The following WDR33 variants were observed in gnomAD, a reference collection of about 807,000 sequenced individuals.
WDR33 encodes pre-mRNA 3' end processing protein WDR33.
WDR33 carries 47 observed loss-of-function variants against 164.9 expected under a neutral mutation model. The ratio of observed to expected loss-of-function variants is 0.29; its 90% confidence interval spans 0.23 to 0.36. The LOEUF (loss-of-function observed/expected upper bound fraction) is 0.36. WDR33 is among the 10% of genes least tolerant of loss of function. WDR33 has a pLI of 1.00. For synonymous variants in WDR33, 505 were observed against 589.0 expected (o/e 0.86, Z 2.06); for missense variants, 1,137 against 1,754.1 (o/e 0.65, Z 6.28).
intron 1 of WDR33, among the ~76,000 whole-genome samples, chr2:127,794,796 T>C (rs957419337): frequency 1.5e-5 from 2 of 132,100 alleles, no homozygotes; most frequent in African/African-American, 5.8e-5. Flanking sequence ...ATCATGCCAC[T>C]GCACCCCAGC....
chr2:127,793,736 G>A (rs1688922951), intron 1 of WDR33, among the ~76,000 whole-genome samples: 1 of 152,028 alleles, frequency 6.6e-6, no homozygotes, highest in African/African-American at 2.4e-5. Flanking sequence ...GCAAGACCCT[G>A]TCTCAAAAAA....
chr2:127,781,180 A>G (rs570640271), intron 1 of WDR33, among the ~76,000 whole-genome samples: 1 of 152,278 alleles, frequency 6.6e-6, no homozygotes, highest in African/African-American at 2.4e-5. Context: ...ATAGCTTTTT[A>G]AAGTTCGAGA....
Position 127,770,667 on chromosome 2 carries a change from G to A in WDR33, c.204+111C>T. 2 of 810,064 alleles carry A rather than the reference G, an allele frequency of 2.5e-6. No homozygotes were observed. Among genetic ancestry groups the A allele is most frequent in the Non-Finnish European group, 3.3e-6 (2 of 610,316 alleles). 50.2% of individuals were successfully genotyped at this position (810,064 alleles called of 1,614,324 possible). On this transcript the variant is annotated intron_variant, in intron 2 of 21. Coordinates refer to ENST00000322313, the MANE Select transcript of WDR33 (RefSeq NM_018383.5). The surrounding 1 kb of genome is among the most constrained non-coding windows in gnomAD (Gnocchi z 4.9). ...AACCACACCACTGCACTCTGGCCTG[G>A]GCAACAAGAAAGAAACTCCATCTCA... is the stretch of plus-strand genomic sequence containing the variant.
Position 127,706,723 on chromosome 2 carries a change from C to T in WDR33, c.3782-171G>A, listed in dbSNP as rs1686025472. Among the ~76,000 whole-genome samples, 1 of 152,208 alleles carries T rather than the reference C, an allele frequency of 6.6e-6. No homozygotes were observed. The highest frequency in any genetic ancestry group is 6.5e-5 in the Admixed American group (1 of 15,282). On this transcript the variant is annotated intron_variant, in intron 21 of 21. Transcript: ENST00000322313. The surrounding 1 kb of genome is among the most constrained non-coding windows in gnomAD (Gnocchi z 5.1). ...GGTGTGCCTCTACCCTTTCCTGACC[C>T]TGCCTCCCCCTTCCTGGCTCATGGC...
chr2:127,747,726 A>G (rs542343229), intron 7 of WDR33, among the ~76,000 whole-genome samples: 1 of 152,322 alleles, frequency 6.6e-6, no homozygotes, highest in African/African-American at 2.4e-5. Flanking sequence ...TACTGCTGGC[A>G]TCATTTCAGC....
Position 127,723,198 on chromosome 2 carries a change from A to G in WDR33, c.1291+55T>C. On this transcript the variant is annotated intron_variant, in intron 12 of 21. Coordinates refer to ENST00000322313, the MANE Select transcript of WDR33 (RefSeq NM_018383.5). The surrounding 1 kb of genome is among the most constrained non-coding windows in gnomAD (Gnocchi z 5.9). ...TTGTATAATCTTCCCAACATCTAAC[A>G]CTTCTGTAATAGAATACCAGATTTC... The G allele has an allele frequency of 3.9e-6, 6 of 1,525,122 alleles. No homozygotes were observed. The highest frequency in any genetic ancestry group is 5.4e-6 in the Non-Finnish European group (6 of 1,114,660). 94.5% of individuals were successfully genotyped at this position (1,525,122 alleles called of 1,614,324 possible). A position where few individuals can be genotyped will look rare whatever the true frequency, so the allele number is the denominator to read the frequency against.
At chr2:127,810,591 G>A (rs116768054) in intron 1 of WDR33, among the ~76,000 whole-genome samples, 3,061 of 152,222 alleles carry the variant, frequency 0.02, 99 homozygotes, top group African/African-American at 0.068. Context: ...ATAACATCAC[G>A]GCTAAGTCTT....
intron 1 of WDR33, among the ~76,000 whole-genome samples, chr2:127,796,911 C>A (rs1274200896): frequency 6.6e-6 from 1 of 151,928 alleles, no homozygotes; most frequent in Non-Finnish European, 1.5e-5. Flanking sequence ...TGTCTGTTTC[C>A]CCAAGGTCAA....
At chr2:127,772,068 A>C (rs1389862090) in intron 1 of WDR33, among the ~76,000 whole-genome samples, 1 of 152,050 alleles carries the variant, frequency 6.6e-6, no homozygotes, top group African/African-American at 2.4e-5. Context: ...GGCTCAAGAG[A>C]TCCTCACACT....
At chr2:127,774,560 C>T (rs1303153387) in intron 1 of WDR33, among the ~76,000 whole-genome samples, 9 of 151,080 alleles carry the variant, frequency 6.0e-5, no homozygotes, top group Non-Finnish European at 1.0e-4. Flanking sequence ...CCAGGCGCGG[C>T]GGCTCACGCC....
In WDR33 at chr2:127,714,012, C is replaced by T. The variant is rs755186779; in HGVS notation, c.2879G>A (p.Arg960His). The T allele has an allele frequency of 1.2e-5, 18 of 1,518,216 alleles. No homozygotes were observed. The highest frequency in any genetic ancestry group is 8.3e-5 in the African/African-American group (6 of 71,904). 94.0% of individuals were successfully genotyped at this position (1,518,216 alleles called of 1,614,324 possible). ...QGPGPNKGDS[R>H]GPPNHHMGPM... Reference sequence around the variant, plus strand: ...GCCCATGTGATGGTTTGGAGGGCCGCGGGAGTCACCTAAAGGAAACAAAGC... The same window carrying T: ...GCCCATGTGATGGTTTGGAGGGCCGTGGGAGTCACCTAAAGGAAACAAAGC... Residue 960 changes from arginine (R) to histidine (H), a missense_variant, in exon 18 of 22, where the codon CGC becomes CAC. This residue lies in a region of WDR33 where 867 missense variants were observed against 1,073.0 expected (regional missense o/e 0.81). Coordinates refer to ENST00000322313, the MANE Select transcript of WDR33 (RefSeq NM_018383.5). This position sits in a 1 kb window ranked among gnomAD's most constrained non-coding sequence, Gnocchi z 4.3.
At position 127,701,809 on chromosome 2, in the gene WDR33, C is replaced by T. The variant is rs930190269; in HGVS notation, c.*4514G>A. The T allele has an allele frequency of 2.7e-6, 4 of 1,456,456 alleles. No homozygotes were observed. Among genetic ancestry groups the T allele is most frequent in the East Asian group, 3.1e-5 (1 of 32,366 alleles). 90.2% of individuals were successfully genotyped at this position (1,456,456 alleles called of 1,614,324 possible). On this transcript the variant is annotated 3_prime_UTR_variant, in exon 22 of 22. Coordinates refer to ENST00000322313, the MANE Select transcript of WDR33 (RefSeq NM_018383.5). ...CTGGCTGCACTGTGTTTCGGCCTAG[C>T]CGCGCTCTACGCACCGGTGTTGCTG... is the stretch of plus-strand genomic sequence containing the variant.
chr2:127,805,435 T>C (rs1472406078), intron 1 of WDR33, among the ~76,000 whole-genome samples: 2 of 152,054 alleles, frequency 1.3e-5, no homozygotes, highest in Non-Finnish European at 2.9e-5. Flanking sequence ...CAAACCTCTC[T>C]AGATCTAACT....
In WDR33 at chr2:127,763,114, G is replaced by A; in HGVS notation, c.672C>T (p.Gly224=). 6.2e-7 allele frequency: 1 copy of A among 1,614,092 alleles called. No individual in the cohort carries two copies. The highest frequency in any genetic ancestry group is 8.5e-7 in the Non-Finnish European group (1 of 1,179,938). The change falls in exon 7 of 22, where the codon GGC becomes GGT. Residue 224 remains glycine (G), a synonymous_variant. Coordinates refer to ENST00000322313, the MANE Select transcript of WDR33 (RefSeq NM_018383.5). The surrounding 1 kb of genome is among the most constrained non-coding windows in gnomAD (Gnocchi z 4.5). ...GAAGAAAGTCCCAGATTCTAACAGT[G>A]CCGTCATCAGAGCATGTAGCAAATT... is the stretch of plus-strand genomic sequence containing the variant. ...DNKFATCSDD[G]TVRIWDFLRC... is the part of the protein sequence containing the mutation.
chr2:127,720,648 T>C lies in WDR33; in HGVS notation c.1672-295A>G, dbSNP rs1429254200. On this transcript the variant is annotated intron_variant, in intron 15 of 21. Coordinates refer to ENST00000322313, the MANE Select transcript of WDR33 (RefSeq NM_018383.5). This position sits in a 1 kb window ranked among gnomAD's most constrained non-coding sequence, Gnocchi z 5.9. Reference sequence around the variant, plus strand: ...GGTACGATCGTGGTTCACTACAGCCTCACCCTCCTGGGCTCAAGTGATCCT... The same window carrying C: ...GGTACGATCGTGGTTCACTACAGCCCCACCCTCCTGGGCTCAAGTGATCCT... Among the ~76,000 whole-genome samples the C allele has an allele frequency of 6.6e-6, 1 of 152,062 alleles. No homozygotes were observed. The highest frequency in any genetic ancestry group is 1.5e-5 in the Non-Finnish European group (1 of 68,016).
At chr2:127,751,930 A>G (rs1437959739) in intron 7 of WDR33, among the ~76,000 whole-genome samples, 1 of 152,218 alleles carries the variant, frequency 6.6e-6, no homozygotes, top group African/African-American at 2.4e-5. Context: ...CTGAGGACGC[A>G]GTAAGTCCCC....
At chr2:127,727,041 C>G (rs1490507763) in intron 7 of WDR33, among the ~76,000 whole-genome samples, 2 of 152,132 alleles carry the variant, frequency 1.3e-5, no homozygotes, top group African/African-American at 4.8e-5. Context: ...TCAGTCGAGG[C>G]TTTTGGAGGC....
intron 7 of WDR33, among the ~76,000 whole-genome samples, chr2:127,743,829 A>G (rs1366560915): frequency 1.3e-5 from 2 of 152,238 alleles, no homozygotes; most frequent in African/African-American, 2.4e-5. Context: ...GGTGTGAATA[A>G]CACTCAATTC....
chr2:127,786,260 C>T (rs928967798), intron 1 of WDR33, among the ~76,000 whole-genome samples: 1 of 152,170 alleles, frequency 6.6e-6, no homozygotes, highest in South Asian at 2.1e-4. Flanking sequence ...GTCTGGAACT[C>T]CTAGGCTCAA....
Sources: gnomAD v4.1 joint callset for allele counts (sites outside exome capture counted in the v4.1 genomes callset) on GRCh38, gnomAD v4.1.1 for gene constraint, gnomAD v4.1.1 regional missense constraint, Gnocchi (gnomAD v3.1) non-coding constraint, MANE v1.5 for transcripts, NCBI Gene and HGNC (gene_info 2026-07-23, HGNC 2026-07-21) for gene names.